Variants in SPATA9 observed in about 807,000 individuals in gnomAD.
SPATA9 encodes the protein spermatogenesis associated 9, also known as spermatogenesis-associated protein 9.
Under a neutral mutation model 25.5 loss-of-function variants are expected in SPATA9, and 27 were observed. The observed-to-expected ratio is 1.06, with a 90% CI of 0.78 to 1.46. The LOEUF (loss-of-function observed/expected upper bound fraction) is 1.46. Among genes scored for constraint, SPATA9 ranks in the 40% most tolerant of loss-of-function variants. The pLI is 0.00. For synonymous variants in SPATA9, 102 were observed against 105.7 expected (o/e 0.97, Z 0.21); for missense variants, 282 against 297.5 (o/e 0.95, Z 0.38).
chr5:95,677,593 C>T (rs1182231870), intron 2 of SPATA9, among the ~76,000 whole-genome samples: 2 of 152,078 alleles, frequency 1.3e-5, no homozygotes, highest in Non-Finnish European at 2.9e-5. Flanking sequence ...ATCATTGGTG[C>T]CTTCTTAGCA....
At chr5:95,678,333 C>T (rs139694464) in intron 2 of SPATA9, among the ~76,000 whole-genome samples, 60 of 152,172 alleles carry the variant, frequency 3.9e-4, no homozygotes, top group Middle Eastern at 3.4e-3. Flanking sequence ...GTGGAGATTG[C>T]GCTATTGTCC....
the SPATA9 span, among the ~76,000 whole-genome samples, chr5:95,706,431 C>T: frequency 6.6e-6 from 1 of 151,828 alleles, no homozygotes; most frequent in Non-Finnish European, 1.5e-5. Context: ...TGGGTGGAGT[C>T]GTGCCTGCTT....
chr5:95,706,598 AC>A, the SPATA9 span, among the ~76,000 whole-genome samples: 1 of 152,064 alleles, frequency 6.6e-6, no homozygotes, highest in Non-Finnish European at 1.5e-5. Context: ...AGACTAACAC[AC>A]CAGTAGATAA....
chr5:95,710,587 A>G, the SPATA9 span, among the ~76,000 whole-genome samples: 18 of 152,314 alleles, frequency 1.2e-4, no homozygotes, highest in African/African-American at 4.3e-4. Flanking sequence ...AGTCTGAGTA[A>G]GCACCCCTTT....
the SPATA9 span, chr5:95,731,475 G>A: frequency 8.2e-7 from 1 of 1,221,784 alleles, no homozygotes; most frequent in Non-Finnish European, 1.0e-6. Context: ...CTTATCCCCC[G>A]CCCGCTAGCC....
At chr5:95,704,224 T>A in the SPATA9 span, among the ~76,000 whole-genome samples, 1 of 152,264 alleles carries the variant, frequency 6.6e-6, no homozygotes, top group Non-Finnish European at 1.5e-5. Context: ...ATATTTTTCA[T>A]GTTTGTGTAT....
chr5:95,721,999 G>A, the SPATA9 span, among the ~76,000 whole-genome samples: 1 of 152,194 alleles, frequency 6.6e-6, no homozygotes, highest in Non-Finnish European at 1.5e-5. Context: ...CAGGATTATA[G>A]AGTGAGAAGT....
chr5:95,696,674 C>T (rs1002427138), intron 1 of SPATA9, among the ~76,000 whole-genome samples: 6 of 152,080 alleles, frequency 3.9e-5, no homozygotes, highest in South Asian at 4.2e-4. Context: ...GTCAGGAGTT[C>T]GAGACCACCC....
At chr5:95,655,996 C>T (rs199504941), downstream of SPATA9, 2 of 1,565,660 alleles carry the variant, frequency 1.3e-6, no homozygotes, top group East Asian at 4.5e-5. Context: ...CAGAGTCTAT[C>T]AAGAACATTT....
the SPATA9 span, among the ~76,000 whole-genome samples, chr5:95,726,729 CTG>C: frequency 6.6e-6 from 1 of 152,196 alleles, no homozygotes; most frequent in African/African-American, 2.4e-5. Context: ...TTGGTTCCTG[CTG>C]TAACAGTAGT....
At chr5:95,666,033 A>G (rs1278056952) in intron 3 of SPATA9, among the ~76,000 whole-genome samples, 1 of 152,254 alleles carries the variant, frequency 6.6e-6, no homozygotes, top group Non-Finnish European at 1.5e-5. Flanking sequence ...ACGAACACTT[A>G]CATGGCACTG....
At chr5:95,714,176 C>T in the SPATA9 span, among the ~76,000 whole-genome samples, 1 of 151,836 alleles carries the variant, frequency 6.6e-6, no homozygotes, top group Non-Finnish European at 1.5e-5. Flanking sequence ...ATTAAGCTTG[C>T]TGGGGAAGGA....
At chr5:95,657,351 C>G (rs1157108748), downstream of SPATA9, 1 of 151,680 alleles carries the variant, frequency 6.6e-6, no homozygotes, top group Non-Finnish European at 1.5e-5. Flanking sequence ...AAATAACACC[C>G]CAAGCACCCA....
chr5:95,709,433 C>T, the SPATA9 span, among the ~76,000 whole-genome samples: 1 of 152,146 alleles, frequency 6.6e-6, no homozygotes, highest in African/African-American at 2.4e-5. Flanking sequence ...CAATTTTCAC[C>T]GGTTTTTAAA....
At chr5:95,655,996 C>G, downstream of SPATA9, 1 of 1,565,660 alleles carries the variant, frequency 6.4e-7, no homozygotes, top group Non-Finnish European at 8.7e-7. Context: ...CAGAGTCTAT[C>G]AAGAACATTT....
chr5:95,654,033 G>A (rs368328294), downstream of SPATA9: 13 of 1,595,122 alleles, frequency 8.1e-6, no homozygotes, highest in Admixed American at 1.7e-5. Flanking sequence ...AATACTTCTT[G>A]TAACTTTCCT....
rs367834777 is a variant in SPATA9 at position 95,680,977 on chromosome 5, A to G, written c.150+1551T>C. 7.2e-5 allele frequency among the ~76,000 whole-genome samples: 11 copies of G among 152,328 alleles called. No individual in the cohort carries two copies. In the East Asian group the frequency reaches 1.9e-3, roughly 27 times the overall value. On this transcript the variant is annotated intron_variant, in intron 2 of 4. Coordinates refer to ENST00000274432, the MANE Select transcript of SPATA9 (RefSeq NM_031952.4). ...ACATTATCTCTCATCCCACACTGTC[A>G]GTTTCAAAGTATGCTAAATATCTCT...
At chr5:95,670,358 C>G (rs1308143958) in intron 3 of SPATA9, 2 of 152,190 alleles carry the variant, frequency 1.3e-5, no homozygotes, top group Non-Finnish European at 2.9e-5. Flanking sequence ...AGTCACCTGC[C>G]TCACTGGTAT....
chr5:95,655,103 T>C (rs1750660969), downstream of SPATA9, among the ~76,000 whole-genome samples: 1 of 152,040 alleles, frequency 6.6e-6, no homozygotes, highest in Admixed American at 6.6e-5. Flanking sequence ...CATTCCACTC[T>C]CTCTACACTT....
Sources: gnomAD v4.1 joint callset for allele counts (sites outside exome capture counted in the v4.1 genomes callset) on GRCh38, gnomAD v4.1.1 for gene constraint, MANE v1.5 for transcripts, NCBI Gene and HGNC (gene_info 2026-07-23, HGNC 2026-07-21) for gene names.